USP34: variants seen among roughly 807,000 people sequenced by gnomAD.
USP34 encodes ubiquitin carboxyl-terminal hydrolase 34.
USP34 carries 70 observed loss-of-function variants against 460.3 expected under a neutral mutation model. The observed-to-expected ratio is 0.15, with a 90% confidence interval of 0.13 to 0.19. The LOEUF (loss-of-function observed/expected upper bound fraction) is 0.19. USP34 is among the 10% of genes least tolerant of loss of function. USP34 has a pLI of 1.00. For missense variants in USP34, 3,985 were observed against 4,236.2 expected (o/e 0.94, Z 1.65); for synonymous variants, 1,647 against 1,405.3 (o/e 1.17, Z -3.85).
chr2:61,368,292 C>T (rs949403367), intron 10 of USP34, among the ~76,000 whole-genome samples: 7 of 152,112 alleles, frequency 4.6e-5, no homozygotes, highest in African/African-American at 7.2e-5. Context: ...ATTAGCTGGG[C>T]GTGGTGGCGC....
chr2:61,189,174 C>T, intron 78 of USP34, 105 bp from the exon 79 acceptor site: 1 of 1,193,004 alleles, frequency 8.4e-7, no homozygotes, highest in Non-Finnish European at 1.2e-6. Flanking sequence ...TCCATTCTTT[C>T]CTAAGAATAC....
At chr2:61,191,918 C>A (rs562507275) in intron 76 of USP34, among the ~76,000 whole-genome samples, 3 of 152,264 alleles carry the variant, frequency 2.0e-5, no homozygotes, top group African/African-American at 7.2e-5. Context: ...GTCAAGTGAG[C>A]TAAGATCAGT....
chr2:61,309,359 T>C (rs549345629), intron 27 of USP34, among the ~76,000 whole-genome samples: 9 of 152,236 alleles, frequency 5.9e-5, no homozygotes, highest in African/African-American at 1.9e-4. Context: ...GTATGGATCA[T>C]GGAAACAGAA....
intron 48 of USP34, among the ~76,000 whole-genome samples, chr2:61,251,629 T>TG (rs1225367985): frequency 6.6e-6 from 1 of 152,256 alleles, no homozygotes; most frequent in African/African-American, 2.4e-5. Flanking sequence ...TTCATCACTC[T>TG]GCATTTGTTA....
chr2:61,337,479 G>A (rs113208011), intron 18 of USP34, among the ~76,000 whole-genome samples: 1,717 of 151,994 alleles, frequency 0.011, 36 homozygotes, highest in African/African-American at 0.039. Flanking sequence ...TAGAGACAAG[G>A]TCTCACTCTG....
intron 57 of USP34, among the ~76,000 whole-genome samples, chr2:61,235,102 C>T (rs1363826845): frequency 1.3e-5 from 2 of 152,232 alleles, no homozygotes; most frequent in Non-Finnish European, 2.9e-5. Flanking sequence ...CCTCACAACT[C>T]GCACATACAC....
chr2:61,409,591 G>A (rs1218387194), intron 2 of USP34, among the ~76,000 whole-genome samples: 1 of 152,100 alleles, frequency 6.6e-6, no homozygotes, highest in Non-Finnish European at 1.5e-5. Flanking sequence ...GCGGGTGCCT[G>A]TAATTCCAGC....
chr2:61,418,080 A>G (rs1273318672), intron 2 of USP34, among the ~76,000 whole-genome samples: 1 of 146,636 alleles, frequency 6.8e-6, no homozygotes, highest in Non-Finnish European at 1.5e-5. Context: ...AATTCTTGTT[A>G]ACATACTTTT....
chr2:61,405,006 T>G (rs945833082), intron 3 of USP34, among the ~76,000 whole-genome samples: 1 of 151,850 alleles, frequency 6.6e-6, no homozygotes, highest in Non-Finnish European at 1.5e-5. Context: ...GGTGGGCAGA[T>G]CATGAGGTCA....
At chr2:61,350,817 T>C in intron 10 of USP34, 124 bp from the exon 11 acceptor site, 1 of 875,414 alleles carries the variant, frequency 1.1e-6, no homozygotes, top group South Asian at 2.1e-5. Flanking sequence ...AATATGACGG[T>C]AAAATGCTAA....
At chr2:61,257,577 A>G (rs561304126) in intron 44 of USP34, among the ~76,000 whole-genome samples, 1 of 152,312 alleles carries the variant, frequency 6.6e-6, no homozygotes, top group South Asian at 2.1e-4. Flanking sequence ...TTTCAAGTCA[A>G]GGAATTTCTA....
chr2:61,214,083 G>A lies in USP34; in HGVS notation c.8659C>T (p.Pro2887Ser). 2 of 1,614,204 alleles carry A rather than the reference G, an allele frequency of 1.2e-6. No individual in the cohort carries two copies. The highest frequency in any genetic ancestry group is 1.3e-5 in the African/African-American group (1 of 75,062). ...NIQWAFKNLT[P>S]HASQYPGAVE... Reference sequence around the variant, plus strand: ...ACTCCAGGGTATTGGCTGGCATGTGGTGTAAGATTCTTAAAGGCCCACTGG... The same window carrying A: ...ACTCCAGGGTATTGGCTGGCATGTGATGTAAGATTCTTAAAGGCCCACTGG... The change falls in exon 68 of 80, where the codon CCA becomes TCA. Residue 2887 changes from proline (P) to serine (S), a missense_variant. Pro to Ser is a moderately conservative substitution (Grantham distance 74). This residue lies in a region of USP34 where 275 missense variants were observed against 292.7 expected (regional missense o/e 0.94). Transcript: ENST00000398571.
chr2:61,436,599 T>C (rs1409278142), intron 1 of USP34, among the ~76,000 whole-genome samples: 1 of 152,154 alleles, frequency 6.6e-6, no homozygotes, highest in Non-Finnish European at 1.5e-5. Flanking sequence ...AACATAATAA[T>C]AGTTGGGGAC....
At chr2:61,338,815 CAAAA>C (rs927220999) in intron 18 of USP34, among the ~76,000 whole-genome samples, 1 of 151,786 alleles carries the variant, frequency 6.6e-6, no homozygotes, top group African/African-American at 2.4e-5. Flanking sequence ...AACCAAAAAA[CAAAA>C]AAAGACTTTT....
chr2:61,212,888 T>C (rs540580037), intron 68 of USP34, among the ~76,000 whole-genome samples: 5 of 152,302 alleles, frequency 3.3e-5, no homozygotes, highest in African/African-American at 9.6e-5. Context: ...GTGAATATGA[T>C]AGAGACAAAT....
At chr2:61,232,413 CT>C (rs1318273163) in intron 58 of USP34, 38 bp downstream of exon 58, 1 of 1,490,220 alleles carries the variant, frequency 6.7e-7, no homozygotes, top group East Asian at 2.3e-5. Flanking sequence ...AAAGTAACTT[CT>C]TTTCCAAATA....
chr2:61,450,238 T>C (rs1695233219), intron 1 of USP34, among the ~76,000 whole-genome samples: 1 of 151,908 alleles, frequency 6.6e-6, no homozygotes, highest in Admixed American at 6.6e-5. Context: ...AATAGGCAAA[T>C]ATATTAAGAA....
chr2:61,276,218 G>A (rs1689368018), intron 41 of USP34, among the ~76,000 whole-genome samples: 1 of 152,190 alleles, frequency 6.6e-6, no homozygotes, highest in Non-Finnish European at 1.5e-5. Context: ...GTAAAATGAT[G>A]TATCCTTTTG....
intron 69 of USP34, among the ~76,000 whole-genome samples, chr2:61,210,942 C>CT (rs1687257735): frequency 6.6e-6 from 1 of 152,088 alleles, no homozygotes; most frequent in Non-Finnish European, 1.5e-5. Flanking sequence ...TGCTCTAAAT[C>CT]TTTTTTGAAA....
Sources: gnomAD v4.1 joint callset for allele counts (sites outside exome capture counted in the v4.1 genomes callset) on GRCh38, gnomAD v4.1.1 for gene constraint, gnomAD v4.1.1 regional missense constraint, MANE v1.5 for transcripts, NCBI Gene and HGNC (gene_info 2026-07-23, HGNC 2026-07-21) for gene names.